PAK3: variants seen among roughly 807,000 people sequenced by gnomAD.
PAK3 encodes the protein serine/threonine-protein kinase PAK 3.
A neutral mutation model predicts 41.0 loss-of-function variants in PAK3; 4 were observed. That is an observed-to-expected ratio of 0.10 (90% confidence interval 0.05 to 0.22). PAK3 has a LOEUF of 0.22. PAK3 is among the 10% of genes least tolerant of loss of function. The pLI, the probability that PAK3 is intolerant of heterozygous loss-of-function variation, is 1.00. For missense variants in PAK3, 205 were observed against 409.9 expected, an observed-to-expected ratio of 0.50 and a Z score of 4.32; for synonymous variants, 146 against 139.6, an observed-to-expected ratio of 1.05 and a Z score of -0.32.
At chrX:111,153,380 G>A (rs2094058571) in intron 8 of PAK3, among the ~76,000 whole-genome samples, 1 of 112,094 alleles carries the variant, frequency 8.9e-6, no homozygotes, top group South Asian at 3.7e-4. Flanking sequence ...GAAGTGACTA[G>A]AAAATAAGTA....
chrX:110,983,019 G>A (rs2091473519), intron 1 of PAK3, among the ~76,000 whole-genome samples: 1 of 110,802 alleles, frequency 9.0e-6, no homozygotes. Context: ...AAGTCAATGT[G>A]CCTGGAGTGA....
chrX:111,168,973 TA>T (rs976139031), intron 10 of PAK3, among the ~76,000 whole-genome samples: 11 of 111,548 alleles, frequency 9.9e-5, no homozygotes, highest in Non-Finnish European at 2.1e-4. Context: ...AGTTGAAAAA[TA>T]AAAGACCAAC....
chrX:111,068,534 TCAAA>T (rs1187806982), intron 1 of PAK3, among the ~76,000 whole-genome samples: 1 of 112,584 alleles, frequency 8.9e-6, no homozygotes, highest in African/African-American at 3.2e-5. Context: ...ACTCCTGGGT[TCAAA>T]CAATCTGCCC....
At chrX:111,119,337 C>G (rs1200979865) in intron 4 of PAK3, among the ~76,000 whole-genome samples, 1 of 111,823 alleles carries the variant, frequency 8.9e-6, no homozygotes, top group African/African-American at 3.2e-5. Context: ...AGTCTGTGAG[C>G]AGATATAAAC....
intron 11 of PAK3, among the ~76,000 whole-genome samples, chrX:111,187,708 A>C (rs2054939296): frequency 9.0e-6 from 1 of 111,303 alleles, no homozygotes; most frequent in South Asian, 3.8e-4. Flanking sequence ...ATATGTTGGG[A>C]GTGCTAAGAC....
chrX:111,208,941 G>A (rs2094787756), intron 16 of PAK3, among the ~76,000 whole-genome samples: 2 of 110,258 alleles, frequency 1.8e-5, no homozygotes, highest in Non-Finnish European at 3.8e-5. Flanking sequence ...TGACGTGTGT[G>A]TGTGTGTGTG....
At chrX:111,046,614 C>T (rs987068424) in intron 1 of PAK3, among the ~76,000 whole-genome samples, 1 of 111,447 alleles carries the variant, frequency 9.0e-6, no homozygotes. Flanking sequence ...CAACTTGCTA[C>T]CTATGTAACC....
intron 1 of PAK3, among the ~76,000 whole-genome samples, chrX:110,999,826 T>A (rs1171083991): frequency 1.8e-5 from 2 of 110,173 alleles, no homozygotes; most frequent in Non-Finnish European, 3.8e-5. Flanking sequence ...ATCCAAAAAT[T>A]AGCCAGGCAT....
chrX:111,095,732 T>C (rs2092971334), upstream of PAK3, among the ~76,000 whole-genome samples: 1 of 111,869 alleles, frequency 8.9e-6, no homozygotes, highest in Admixed American at 9.4e-5. Context: ...AGAGATTCCG[T>C]CAGTTTAACC....
chrX:111,099,048 A>C (rs551977805), intron 3 of PAK3, among the ~76,000 whole-genome samples: 1 of 111,511 alleles, frequency 9.0e-6, no homozygotes, highest in Non-Finnish European at 1.9e-5. Flanking sequence ...GCAGGACCCG[A>C]GTCCTCCATT....
chrX:111,010,072 G>C (rs2091989652), intron 1 of PAK3, among the ~76,000 whole-genome samples: 1 of 112,187 alleles, frequency 8.9e-6, no homozygotes, highest in Non-Finnish European at 1.9e-5. Flanking sequence ...GAACTTCCTA[G>C]TTTTTGACGT....
intron 14 of PAK3, among the ~76,000 whole-genome samples, chrX:111,194,631 T>C (rs1322548796): frequency 1.8e-5 from 2 of 111,798 alleles, no homozygotes; most frequent in Non-Finnish European, 3.8e-5. Context: ...CTGCCTTTTG[T>C]GAATCTTTTA....
intron 6 of PAK3, 71 bp from the exon 7 acceptor site, chrX:111,147,666 C>G (rs772060501): frequency 1.3e-5 from 10 of 781,640 alleles, no homozygotes; most frequent in Non-Finnish European, 2.0e-5. Context: ...TGGTGAAGAA[C>G]TTTACTGGAA....
intron 1 of PAK3, among the ~76,000 whole-genome samples, chrX:111,002,646 C>A (rs780023502): frequency 4.5e-5 from 5 of 111,516 alleles, no homozygotes; most frequent in South Asian, 3.8e-4. Flanking sequence ...TCTAGAACTA[C>A]CCAGAATAGC....
At chrX:111,074,247 T>C (rs1318625710) in intron 1 of PAK3, among the ~76,000 whole-genome samples, 1 of 111,730 alleles carries the variant, frequency 9.0e-6, no homozygotes, top group African/African-American at 3.3e-5. Context: ...TGAAATATGA[T>C]TCCCAGTGTT....
chrX:111,141,443 TA>T (rs1261424505), intron 5 of PAK3, among the ~76,000 whole-genome samples: 1 of 111,829 alleles, frequency 8.9e-6, no homozygotes, highest in Non-Finnish European at 1.9e-5. Flanking sequence ...TTCTGAAAAC[TA>T]AATAAAATTA....
At chrX:111,171,766 A>G (rs903023875) in intron 10 of PAK3, among the ~76,000 whole-genome samples, 5 of 111,579 alleles carry the variant, frequency 4.5e-5, no homozygotes. Context: ...TCTTTCTGGA[A>G]TAATGAAAAC....
chrX:111,023,904 C>T (rs974155453), intron 1 of PAK3, among the ~76,000 whole-genome samples: 1 of 111,767 alleles, frequency 8.9e-6, no homozygotes, highest in Non-Finnish European at 1.9e-5. Context: ...TTAATTAGAT[C>T]CCACTTGTCT....
chrX:111,008,009 G>C (rs143668679), intron 1 of PAK3, among the ~76,000 whole-genome samples: 291 of 111,813 alleles, frequency 2.6e-3, no homozygotes, highest in African/African-American at 9.3e-3. Flanking sequence ...TATAAAATAG[G>C]GTCAATAATT....
Sources: allele counts gnomAD v4.1 joint callset (sites outside exome capture counted in the v4.1 genomes callset), GRCh38; gene constraint gnomAD v4.1.1; transcripts MANE v1.5; gene names NCBI Gene and HGNC (gene_info 2026-07-23, HGNC 2026-07-21).